NKAIN3: variants seen among roughly 807,000 people sequenced by gnomAD.
NKAIN3 encodes the protein sodium/potassium transporting ATPase interacting 3, also known as sodium/potassium-transporting ATPase subunit beta-1-interacting protein 3.
In NKAIN3, 25 loss-of-function variants were observed where a neutral mutation model predicts 30.2. The ratio of observed to expected loss-of-function variants is 0.83; its 90% CI spans 0.60 to 1.16. The LOEUF (loss-of-function observed/expected upper bound fraction) is 1.16, where lower values mean the gene tolerates loss of function less well. Among genes scored for constraint, NKAIN3 ranks in the 50% most tolerant of loss-of-function variants. The pLI, the probability that NKAIN3 is intolerant of heterozygous loss-of-function variation, is 0.00. For synonymous variants in NKAIN3, 91 were observed against 89.6 expected (o/e 1.02, Z -0.09); for missense variants, 225 against 254.1 (o/e 0.89, Z 0.78).
intron 4 of NKAIN3, among the ~76,000 whole-genome samples, chr8:62,853,460 T>A (rs557296035): frequency 2.6e-5 from 4 of 152,036 alleles, no homozygotes; most frequent in Non-Finnish European, 5.9e-5. Flanking sequence ...TTAGAATGTA[T>A]CCATTTCTTC....
At chr8:62,692,456 G>C (rs1394776362) in intron 3 of NKAIN3, among the ~76,000 whole-genome samples, 1 of 152,120 alleles carries the variant, frequency 6.6e-6, no homozygotes, top group African/African-American at 2.4e-5. Context: ...TGCAGGCCTA[G>C]AAGAACACTC....
At chr8:62,740,641 A>AT (rs1417180215) in intron 3 of NKAIN3, among the ~76,000 whole-genome samples, 3 of 2,132 alleles carry the variant, frequency 1.4e-3, no homozygotes, top group Admixed American at 6.4e-3. Context: ...AGAAGTGAAT[A>AT]TTGTTTTTTT....
At chr8:62,848,007 C>T (rs1034102159) in intron 4 of NKAIN3, among the ~76,000 whole-genome samples, 1 of 152,052 alleles carries the variant, frequency 6.6e-6, no homozygotes, top group Non-Finnish European at 1.5e-5. Flanking sequence ...GGCCTTATTT[C>T]TGGGTTCTCT....
At chr8:62,798,307 C>T (rs186203462) in intron 4 of NKAIN3, among the ~76,000 whole-genome samples, 9 of 152,266 alleles carry the variant, frequency 5.9e-5, no homozygotes, top group African/African-American at 1.9e-4. Context: ...CGTGGTGGCT[C>T]ATGCCTGTAA....
chr8:62,784,449 A>G (rs540152953), intron 4 of NKAIN3, among the ~76,000 whole-genome samples: 1 of 152,120 alleles, frequency 6.6e-6, no homozygotes, highest in East Asian at 1.9e-4. Context: ...AAGAAGGGAC[A>G]TAATTATTGA....
At chr8:62,575,518 T>C (rs1810080605) in intron 1 of NKAIN3, among the ~76,000 whole-genome samples, 1 of 152,100 alleles carries the variant, frequency 6.6e-6, no homozygotes, top group Admixed American at 6.6e-5. Context: ...AGAATCAATA[T>C]TGTTAAAATG....
At chr8:62,415,654 C>T (rs982926088) in intron 1 of NKAIN3, among the ~76,000 whole-genome samples, 23 of 151,476 alleles carry the variant, frequency 1.5e-4, no homozygotes, top group African/African-American at 5.6e-4. Flanking sequence ...GCATATCCTA[C>T]AAGGACATGT....
chr8:62,720,493 G>A (rs921030449), intron 3 of NKAIN3, among the ~76,000 whole-genome samples: 5 of 152,082 alleles, frequency 3.3e-5, no homozygotes, highest in Non-Finnish European at 5.9e-5. Context: ...TTTGAATTCT[G>A]TTTTTTGTTA....
chr8:62,445,807 G>A (rs1397893960), intron 1 of NKAIN3, among the ~76,000 whole-genome samples: 1 of 152,138 alleles, frequency 6.6e-6, no homozygotes, highest in Non-Finnish European at 1.5e-5. Context: ...TCATATTGAA[G>A]TCTGGGGACT....
At chr8:62,528,800 G>T (rs750665101) in intron 1 of NKAIN3, among the ~76,000 whole-genome samples, 1 of 152,098 alleles carries the variant, frequency 6.6e-6, no homozygotes, top group Non-Finnish European at 1.5e-5. Context: ...GCAACCACAA[G>T]CTTGCTCCCT....
chr8:62,794,114 C>A (rs1817782121), intron 4 of NKAIN3, among the ~76,000 whole-genome samples: 1 of 152,192 alleles, frequency 6.6e-6, no homozygotes, highest in Non-Finnish European at 1.5e-5. Flanking sequence ...CTAGCAATAG[C>A]TTTGTTCTTC....
chr8:62,377,144 T>A (rs1817112523), intron 1 of NKAIN3, among the ~76,000 whole-genome samples: 1 of 152,182 alleles, frequency 6.6e-6, no homozygotes, highest in African/African-American at 2.4e-5. Flanking sequence ...TCGCATTTAA[T>A]TAGAACTGGG....
intron 4 of NKAIN3, among the ~76,000 whole-genome samples, chr8:62,907,540 C>T (rs1342259416): frequency 2.0e-5 from 3 of 152,120 alleles, no homozygotes; most frequent in Non-Finnish European, 4.4e-5. Context: ...AGCTGGTAGG[C>T]CTAGGAGGAA....
At chr8:62,878,131 C>T (rs1456301762) in intron 4 of NKAIN3, among the ~76,000 whole-genome samples, 1 of 151,140 alleles carries the variant, frequency 6.6e-6, no homozygotes, top group Non-Finnish European at 1.5e-5. Context: ...TGCTTTGTTT[C>T]AATCTTCTCA....
intron 3 of NKAIN3, among the ~76,000 whole-genome samples, chr8:62,612,776 G>A (rs758111186): frequency 6.6e-6 from 1 of 151,892 alleles, no homozygotes; most frequent in South Asian, 2.1e-4. Context: ...TGTATCCATT[G>A]TATGTTTTTT....
intron 4 of NKAIN3, among the ~76,000 whole-genome samples, chr8:62,879,446 C>G (rs1443671124): frequency 6.6e-6 from 1 of 152,120 alleles, no homozygotes; most frequent in Non-Finnish European, 1.5e-5. Context: ...CAAAAATTTT[C>G]TCCCATTCTG....
intron 4 of NKAIN3, among the ~76,000 whole-genome samples, chr8:62,768,303 A>T (rs1048254973): frequency 5.3e-5 from 8 of 152,184 alleles, no homozygotes; most frequent in African/African-American, 7.2e-5. Context: ...TGTCTCTCAC[A>T]GTCTTATGAA....
At chr8:62,882,093 G>T (rs897413183) in intron 4 of NKAIN3, among the ~76,000 whole-genome samples, 1 of 152,068 alleles carries the variant, frequency 6.6e-6, no homozygotes, top group Non-Finnish European at 1.5e-5. Context: ...TTTTAATAGA[G>T]TTATTCATTT....
rs148012607 is a variant in NKAIN3, at chr8:62,970,981, A to G, written c.*5574A>G. On this transcript the variant is annotated 3_prime_UTR_variant, in exon 7 of 7. Coordinates refer to ENST00000623646, the MANE Select transcript of NKAIN3 (RefSeq NM_001304533.3). ...AAAATGACAATGGATTAAATAACATAGAGGTCTATTTCTCTTTTTATTTCG... is the reference window on the plus strand; with the variant it reads ...AAAATGACAATGGATTAAATAACATGGAGGTCTATTTCTCTTTTTATTTCG... Among the ~76,000 whole-genome samples, 82 of 152,358 alleles carry G rather than the reference A, an allele frequency of 5.4e-4. No individual in the cohort carries two copies. Among genetic ancestry groups the G allele is most frequent in the African/African-American group, 1.6e-3 (67 of 41,596 alleles).
Sources: allele counts gnomAD v4.1 joint callset (sites outside exome capture counted in the v4.1 genomes callset), GRCh38; gene constraint gnomAD v4.1.1; transcripts MANE v1.5; gene names NCBI Gene and HGNC (gene_info 2026-07-23, HGNC 2026-07-21).